The following PTPRR variants were observed in gnomAD, a reference collection of about 807,000 sequenced individuals.
PTPRR encodes receptor-type tyrosine-protein phosphatase R.
PTPRR carries 38 observed loss-of-function variants against 77.2 expected under a neutral mutation model. The ratio of observed to expected loss-of-function variants is 0.49; its 90% CI spans 0.38 to 0.65. PTPRR has a LOEUF of 0.65. PTPRR is among the 30% of genes least tolerant of loss of function. PTPRR has a pLI of 0.00. For missense variants in PTPRR, 744 were observed against 799.2 expected (o/e 0.93, Z 0.83); for synonymous variants, 299 against 283.1 (o/e 1.06, Z -0.57).
chr12:70,818,826 T>G (rs1891953858), intron 2 of PTPRR, among the ~76,000 whole-genome samples: 1 of 129,294 alleles, frequency 7.7e-6, no homozygotes, highest in African/African-American at 4.2e-5. Context: ...CAGGTATCTA[T>G]TCCAAAAAAA....
At chr12:70,708,620 G>A (rs1385594270) in intron 6 of PTPRR, among the ~76,000 whole-genome samples, 1 of 151,598 alleles carries the variant, frequency 6.6e-6, no homozygotes, top group African/African-American at 2.4e-5. Context: ...TGGTGAGGAG[G>A]CTGTTTCCCT....
chr12:70,674,962 C>T (rs1183075054), intron 10 of PTPRR, among the ~76,000 whole-genome samples: 1 of 151,994 alleles, frequency 6.6e-6, no homozygotes, highest in African/African-American at 2.4e-5. Flanking sequence ...GTGAATTTCA[C>T]ATTTTAGTGT....
At chr12:70,754,127 T>G in intron 5 of PTPRR, 64 bp downstream of exon 5, 1 of 1,453,234 alleles carries the variant, frequency 6.9e-7, no homozygotes, top group Non-Finnish European at 9.5e-7. Context: ...TGAATGGCAA[T>G]GTACCCACTA....
chr12:70,701,042 C>T, intron 7 of PTPRR, 95 bp downstream of exon 7: 3 of 1,304,396 alleles, frequency 2.3e-6, no homozygotes, highest in South Asian at 1.4e-5. Flanking sequence ...TTACTGTAGA[C>T]TGCTTAAGTA....
At chr12:70,863,356 A>G (rs917608004) in intron 2 of PTPRR, among the ~76,000 whole-genome samples, 3 of 152,190 alleles carry the variant, frequency 2.0e-5, no homozygotes, top group African/African-American at 7.2e-5. Context: ...GTTTGCAATT[A>G]AGATTCAAAA....
intron 2 of PTPRR, among the ~76,000 whole-genome samples, chr12:70,857,058 AT>A (rs762535111): frequency 6.6e-6 from 1 of 152,184 alleles, no homozygotes; most frequent in Non-Finnish European, 1.5e-5. Flanking sequence ...TGACCAAATG[AT>A]TATTAATGGT....
chr12:70,707,192 A>G (rs749112784), intron 6 of PTPRR, among the ~76,000 whole-genome samples: 2 of 152,126 alleles, frequency 1.3e-5, no homozygotes, highest in Admixed American at 6.6e-5. Context: ...AAAGTTAACA[A>G]TGTTTTCATG....
At chr12:70,915,230 C>T (rs757386604) in intron 1 of PTPRR, among the ~76,000 whole-genome samples, 1 of 152,142 alleles carries the variant, frequency 6.6e-6, no homozygotes, top group Non-Finnish European at 1.5e-5. Context: ...CAAGAACATA[C>T]ATTACAATAA....
intron 13 of PTPRR, 117 bp from the exon 14 acceptor site, chr12:70,639,394 AG>A: frequency 1.4e-6 from 2 of 1,391,436 alleles, no homozygotes; most frequent in Non-Finnish European, 1.9e-6. Context: ...CAGTCGACCT[AG>A]TGGTTCTTTT....
chr12:70,760,727 T>C (rs1890672128), intron 4 of PTPRR, among the ~76,000 whole-genome samples: 1 of 152,224 alleles, frequency 6.6e-6, no homozygotes, highest in African/African-American at 2.4e-5. Flanking sequence ...TGGGCCATAC[T>C]TTCTGTATCT....
chr12:70,639,291 A>T lies in PTPRR; in HGVS notation c.1881-14T>A, dbSNP rs754072413. ...ACCATTCCACCTCTGCAAGGAAGAA[A>T]TCATAAAATAACTGATTTTGCTAAA... On this transcript the variant is annotated splice_polypyrimidine_tract_variant and intron_variant, in intron 13 of 13. Coordinates refer to ENST00000283228, the MANE Select transcript of PTPRR (RefSeq NM_002849.4). 8.7e-6 allele frequency: 14 copies of T among 1,609,350 alleles called. No homozygotes were observed. The East Asian group carries it at 3.1e-4, about 36-fold the overall frequency.
intron 2 of PTPRR, among the ~76,000 whole-genome samples, chr12:70,832,528 A>C (rs1892232002): frequency 6.6e-6 from 1 of 152,150 alleles, no homozygotes; most frequent in Non-Finnish European, 1.5e-5. Flanking sequence ...GGGGAATAGC[A>C]GGAAATGGGA....
rs1310856790 is a variant in PTPRR, at chr12:70,866,255, G to T, written c.357+26424C>A. Among the ~76,000 whole-genome samples, 8 of 151,360 alleles carry T rather than the reference G, an allele frequency of 5.3e-5. No homozygotes were observed. The South Asian group carries it at 8.4e-4, about 16-fold the overall frequency. ...ATTAATGAATCCAGGAGGTGGTTTTGTGAAAGGATCAACAAAATCGATAGA... is the reference window on the plus strand; with the variant it reads ...ATTAATGAATCCAGGAGGTGGTTTTTTGAAAGGATCAACAAAATCGATAGA... On this transcript the variant is annotated intron_variant, in intron 2 of 13. Transcript: ENST00000283228.
chr12:70,761,397 C>A (rs1282383246), intron 4 of PTPRR, 74 bp downstream of exon 4: 1 of 1,322,254 alleles, frequency 7.6e-7, no homozygotes, highest in Non-Finnish European at 1.0e-6. Flanking sequence ...CATCTCAAAG[C>A]CTCTTGGGGT....
intron 2 of PTPRR, among the ~76,000 whole-genome samples, chr12:70,826,646 G>A (rs1892114176): frequency 6.6e-6 from 1 of 152,148 alleles, no homozygotes; most frequent in African/African-American, 2.4e-5. Flanking sequence ...CAATCCATGT[G>A]CTTTGATTTT....
In PTPRR at chr12:70,775,788, CT is replaced by C. The variant is rs56736782; in HGVS notation, c.358-11011del. Among the ~76,000 whole-genome samples, 533 of 148,640 alleles carry C rather than the reference CT, an allele frequency of 3.6e-3. 2 individuals are homozygous for C. The highest frequency in any genetic ancestry group is 0.011 in the African/African-American group (461 of 40,572). ...TCTAACTCAAATGTGCCCCCCAACC[CT>C]TTTTTTTTTAACCTGGAATCTTTAA... is the stretch of plus-strand genomic sequence containing the variant. On this transcript the variant is annotated intron_variant, in intron 2 of 13. Coordinates refer to ENST00000283228, the MANE Select transcript of PTPRR (RefSeq NM_002849.4).
chr12:70,711,473 T>C (rs1778948761), intron 6 of PTPRR, among the ~76,000 whole-genome samples: 1 of 151,916 alleles, frequency 6.6e-6, no homozygotes, highest in Admixed American at 6.6e-5. Context: ...ATATTTAGTA[T>C]ATTTATTTAT....
At chr12:70,810,915 G>T (rs1891797494) in intron 2 of PTPRR, among the ~76,000 whole-genome samples, 1 of 152,148 alleles carries the variant, frequency 6.6e-6, no homozygotes, top group Non-Finnish European at 1.5e-5. Flanking sequence ...TGCACATCCT[G>T]TCAGCATTAA....
chr12:70,795,142 C>T (rs1043193807), intron 2 of PTPRR, among the ~76,000 whole-genome samples: 7 of 152,154 alleles, frequency 4.6e-5, no homozygotes, highest in Non-Finnish European at 1.0e-4. Flanking sequence ...CATACTCTAA[C>T]ATATTCTCCT....
Sources: allele counts gnomAD v4.1 joint callset (sites outside exome capture counted in the v4.1 genomes callset), GRCh38; gene constraint gnomAD v4.1.1; transcripts MANE v1.5; gene names NCBI Gene and HGNC (gene_info 2026-07-23, HGNC 2026-07-21).